Variants in ENOX2 observed in about 807,000 individuals in gnomAD.
The protein encoded by ENOX2 is ecto-NOX disulfide-thiol exchanger 2, also known as APK1 antigen.
ENOX2 carries 36 observed loss-of-function variants against 45.0 expected under a neutral mutation model. The ratio of observed to expected loss-of-function variants is 0.80; its 90% CI spans 0.61 to 1.06. ENOX2 has a LOEUF of 1.06. Among genes scored for constraint, ENOX2 ranks in the 50% least tolerant of loss-of-function variants. The pLI is 0.00. For synonymous variants in ENOX2, 174 were observed against 152.3 expected, an observed-to-expected ratio of 1.14 and a Z score of -1.05; for missense variants, 423 against 462.5, an observed-to-expected ratio of 0.91 and a Z score of 0.78.
chrX:130,888,739 A>G lies in ENOX2; in HGVS notation c.-183+12945T>C, dbSNP rs2078945047. On this transcript the variant is annotated intron_variant, in intron 2 of 14. Coordinates refer to ENST00000394363, the MANE Select transcript of ENOX2 (RefSeq NM_006375.4). ...ACACTGCTCAATTCTTACAATTTTT[A>G]AATTAGACGGAATCGCTGTTTGCTC... Among the ~76,000 whole-genome samples the G allele has an allele frequency of 2.7e-5, 3 of 112,279 alleles. No homozygotes were observed. In the South Asian group the frequency reaches 1.1e-3, roughly 41 times the overall value.
intron 12 of ENOX2, among the ~76,000 whole-genome samples, 159 bp from the exon 13 acceptor site, chrX:130,631,735 A>G: frequency 8.9e-6 from 1 of 111,889 alleles, no homozygotes; most frequent in Non-Finnish European, 1.9e-5. Flanking sequence ...TTACAAAAGC[A>G]TCACAGATAT....
chrX:130,899,731 C>G (rs1165286149), intron 2 of ENOX2, among the ~76,000 whole-genome samples: 1 of 111,975 alleles, frequency 8.9e-6, no homozygotes, highest in Non-Finnish European at 1.9e-5. Flanking sequence ...CTCAAGGACA[C>G]TGAGTAAGGT....
At chrX:130,752,316 T>G (rs1011048078) in intron 3 of ENOX2, among the ~76,000 whole-genome samples, 3 of 110,470 alleles carry the variant, frequency 2.7e-5, no homozygotes, top group African/African-American at 9.9e-5. Context: ...TGGCTCTCTA[T>G]CTCTCTACTT....
intron 2 of ENOX2, among the ~76,000 whole-genome samples, chrX:130,891,150 G>A (rs1428704683): frequency 9.0e-6 from 1 of 110,938 alleles, no homozygotes; most frequent in Non-Finnish European, 1.9e-5. Flanking sequence ...AGACCAGCCT[G>A]GGCAAGAGAG....
intron 3 of ENOX2, among the ~76,000 whole-genome samples, chrX:130,780,642 C>T (rs1299206433): frequency 9.0e-6 from 1 of 111,273 alleles, no homozygotes; most frequent in Non-Finnish European, 1.9e-5. Flanking sequence ...AAGGTGGTTG[C>T]GACCTGCCAA....
intron 2 of ENOX2, among the ~76,000 whole-genome samples, chrX:130,846,059 T>C (rs1461958176): frequency 1.8e-5 from 2 of 111,364 alleles, no homozygotes; most frequent in Non-Finnish European, 3.8e-5. Context: ...TATTTTCATA[T>C]AGTATAACAT....
intron 2 of ENOX2, among the ~76,000 whole-genome samples, chrX:130,898,679 C>A (rs1466329697): frequency 2.7e-5 from 3 of 110,354 alleles, no homozygotes; most frequent in African/African-American, 6.6e-5. Context: ...TATAAATGTA[C>A]CACAATTGAT....
chrX:130,873,668 G>T (rs1312098313), intron 2 of ENOX2, among the ~76,000 whole-genome samples: 1 of 111,976 alleles, frequency 8.9e-6, no homozygotes, highest in African/African-American at 3.2e-5. Context: ...TGATAGACTG[G>T]ATAAAGAAAA....
At chrX:130,634,103 G>A (rs2035862707) in intron 12 of ENOX2, among the ~76,000 whole-genome samples, 2 of 112,146 alleles carry the variant, frequency 1.8e-5, no homozygotes, top group Non-Finnish European at 3.8e-5. Context: ...CACACTCAGG[G>A]CCTGTATGCA....
chrX:130,786,664 T>C (rs1324326581), intron 2 of ENOX2, among the ~76,000 whole-genome samples: 3 of 95,488 alleles, frequency 3.1e-5, no homozygotes, highest in African/African-American at 7.7e-5. Flanking sequence ...TTTGGTTTTT[T>C]GTTCTTGAGA....
chrX:130,849,050 G>A (rs1233704056), intron 2 of ENOX2, among the ~76,000 whole-genome samples: 2 of 112,325 alleles, frequency 1.8e-5, no homozygotes, highest in African/African-American at 6.5e-5. Context: ...TAGAGAAGCA[G>A]TGAGAAGGAT....
chrX:130,640,368 C>T (rs2036046765), intron 10 of ENOX2, among the ~76,000 whole-genome samples: 1 of 112,252 alleles, frequency 8.9e-6, no homozygotes, highest in Non-Finnish European at 1.9e-5. Flanking sequence ...GTGGTGAATC[C>T]TCAAAGACCT....
intron 2 of ENOX2, among the ~76,000 whole-genome samples, chrX:130,861,423 G>T (rs1321340797): frequency 9.0e-6 from 1 of 111,205 alleles, no homozygotes; most frequent in Non-Finnish European, 1.9e-5. Flanking sequence ...CCACACCCTA[G>T]AACAATTATC....
intron 3 of ENOX2, among the ~76,000 whole-genome samples, chrX:130,729,380 A>G (rs1406189445): frequency 8.9e-6 from 1 of 112,204 alleles, no homozygotes; most frequent in African/African-American, 3.2e-5. Context: ...AATGATTTTC[A>G]CAAGTGCAGA....
rs1386728324 is a variant in ENOX2, at chrX:130,623,889, AG to A, written c.*1424del. 1.8e-5 allele frequency: 2 copies of A among 112,394 alleles called. No individual in the cohort carries two copies. Among genetic ancestry groups the A allele is most frequent in the Non-Finnish European group, 3.7e-5 (2 of 53,353 alleles). The allele number at this position is 112,394 out of a possible 1,213,427, so 9.3% of individuals were successfully genotyped here. ...ACTTAGAGCGTAAGTCATTAAAAAC[AG>A]GACACAAAACTGAGGTATAAAAAGG... is the stretch of plus-strand genomic sequence containing the variant. On this transcript the variant is annotated 3_prime_UTR_variant, in exon 15 of 15. Coordinates refer to ENST00000394363, the MANE Select transcript of ENOX2 (RefSeq NM_006375.4).
intron 13 of ENOX2, among the ~76,000 whole-genome samples, chrX:130,628,446 A>C (rs2035606990): frequency 8.9e-6 from 1 of 112,546 alleles, no homozygotes; most frequent in Non-Finnish European, 1.9e-5. Context: ...ATGAATTTAC[A>C]CTGTGCTGGG....
intron 2 of ENOX2, among the ~76,000 whole-genome samples, chrX:130,818,251 G>A: frequency 2.7e-5 from 3 of 111,470 alleles, no homozygotes; most frequent in Non-Finnish European, 5.6e-5. Context: ...AATAAGAGAG[G>A]ACATAAAGAA....
At chrX:130,646,741 A>G (rs1214570774) in intron 10 of ENOX2, among the ~76,000 whole-genome samples, 1 of 112,365 alleles carries the variant, frequency 8.9e-6, no homozygotes, top group African/African-American at 3.2e-5. Context: ...TAGTGGGAAA[A>G]TTATAATGTT....
chrX:130,838,071 G>C (rs2077956182), intron 2 of ENOX2, among the ~76,000 whole-genome samples: 1 of 112,010 alleles, frequency 8.9e-6, no homozygotes, highest in Non-Finnish European at 1.9e-5. Flanking sequence ...CTTCAAATCA[G>C]ACACTTTGAA....
Sources: allele counts gnomAD v4.1 joint callset (sites outside exome capture counted in the v4.1 genomes callset), GRCh38; gene constraint gnomAD v4.1.1; transcripts MANE v1.5; gene names NCBI Gene and HGNC (gene_info 2026-07-23, HGNC 2026-07-21).